Variants in EDDM13 observed in about 807,000 individuals in gnomAD.
EDDM13 encodes epididymal protein 13.
Under a neutral mutation model 17.8 loss-of-function variants are expected in EDDM13, and 24 were observed. The ratio of observed to expected loss-of-function variants is 1.35; its 90% CI spans 0.98 to 1.90. EDDM13 has a LOEUF of 1.90. Among genes scored for constraint, EDDM13 ranks in the 40% most tolerant of loss-of-function variants. The pLI is 0.00. For synonymous variants in EDDM13, 31 were observed against 37.5 expected, an observed-to-expected ratio of 0.83 and a Z score of 0.63; for missense variants, 97 against 100.8, an observed-to-expected ratio of 0.96 and a Z score of 0.16.
Position 56,303,208 on chromosome 19 carries a change from G to A in EDDM13, c.423+1113G>A, listed in dbSNP as rs143015444. On this transcript the variant is annotated intron_variant, in intron 13 of 14. Coordinates refer to ENST00000649256, the MANE Select transcript of EDDM13 (RefSeq NM_001354658.2). Reference sequence around the variant, plus strand: ...AGAAACTACAAGCCAGGCCGGGCACGGTGGCTCACGCTTGTCATCGCAGCA... The same window carrying A: ...AGAAACTACAAGCCAGGCCGGGCACAGTGGCTCACGCTTGTCATCGCAGCA... Among the ~76,000 whole-genome samples the A allele has an allele frequency of 5.7e-3, 865 of 152,294 alleles. 4 individuals carry two copies. Among genetic ancestry groups the A allele is most frequent in the African/African-American group, 0.014 (597 of 41,574 alleles).
chr19:56,278,640 T>G (rs2038445897), intron 2 of EDDM13, among the ~76,000 whole-genome samples: 1 of 152,206 alleles, frequency 6.6e-6, no homozygotes, highest in South Asian at 2.1e-4. Flanking sequence ...CTCACTCAGT[T>G]GTGGGGTCTG....
chr19:56,273,529 A>G (rs1444896534), intron 1 of EDDM13, among the ~76,000 whole-genome samples: 1 of 152,168 alleles, frequency 6.6e-6, no homozygotes, highest in Non-Finnish European at 1.5e-5. Flanking sequence ...GGGGATTCGG[A>G]GATGGCCTCT....
intron 1 of EDDM13, among the ~76,000 whole-genome samples, chr19:56,275,298 T>C (rs542019316): frequency 1.6e-4 from 25 of 152,238 alleles, no homozygotes; most frequent in Non-Finnish European, 2.8e-4. Flanking sequence ...GCTACAGTGC[T>C]TCTCCAATGG....
chr19:56,291,506 G>A (rs1413413170), intron 9 of EDDM13, among the ~76,000 whole-genome samples: 1 of 152,148 alleles, frequency 6.6e-6, no homozygotes, highest in Non-Finnish European at 1.5e-5. Flanking sequence ...AGGGTGGGAG[G>A]AGCTAGGAAG....
chr19:56,305,356 T>C (rs1421601394), intron 14 of EDDM13, among the ~76,000 whole-genome samples: 1 of 152,222 alleles, frequency 6.6e-6, no homozygotes, highest in African/African-American at 2.4e-5. Flanking sequence ...CCTTTGCATC[T>C]GGGTTTATTC....
chr19:56,273,578 C>G (rs929953921), intron 1 of EDDM13, among the ~76,000 whole-genome samples: 3 of 152,074 alleles, frequency 2.0e-5, no homozygotes, highest in Non-Finnish European at 4.4e-5. Context: ...TAGGAGCTGG[C>G]CAGCTGAAGA....
intron 13 of EDDM13, among the ~76,000 whole-genome samples, chr19:56,304,256 C>G (rs1301252825): frequency 3.9e-5 from 6 of 152,162 alleles, no homozygotes; most frequent in Non-Finnish European, 8.8e-5. Flanking sequence ...TGCTTATGCG[C>G]TGGGTGTGAG....
rs570207071 is a variant in EDDM13 at position 56,287,049 on chromosome 19, A to G, written c.155-1336A>G. Among the ~76,000 whole-genome samples the G allele has an allele frequency of 3.4e-3, 516 of 152,356 alleles. 7 individuals carry two copies. Among genetic ancestry groups the G allele is most frequent in the African/African-American group, 0.012 (490 of 41,584 alleles). ...GATATTAGGGAGCTGGTGAAAGTGG[A>G]TTTGACTCCTTCCCACCCCCACCAT... is the stretch of plus-strand genomic sequence containing the variant. On this transcript the variant is annotated intron_variant, in intron 6 of 14. Transcript: ENST00000649256.
intron 14 of EDDM13, among the ~76,000 whole-genome samples, chr19:56,309,635 C>G (rs2040905784): frequency 1.3e-5 from 2 of 152,200 alleles, no homozygotes; most frequent in Non-Finnish European, 2.9e-5. Context: ...CAGAAGCAAA[C>G]CTTAAGGTTC....
intron 12 of EDDM13, chr19:56,299,901 C>A (rs959239121): frequency 6.6e-6 from 1 of 152,186 alleles, no homozygotes; most frequent in Non-Finnish European, 1.5e-5. Flanking sequence ...ATGAGACGTT[C>A]TTGCTATCAC....
chr19:56,296,691 G>A (rs552700614), intron 11 of EDDM13, among the ~76,000 whole-genome samples: 11 of 152,256 alleles, frequency 7.2e-5, no homozygotes, highest in African/African-American at 2.4e-4. Context: ...AGGCTATTAT[G>A]TCCTATGGAG....
At chr19:56,281,091 T>C (rs1250045496) in intron 2 of EDDM13, among the ~76,000 whole-genome samples, 2 of 152,242 alleles carry the variant, frequency 1.3e-5, no homozygotes, top group Non-Finnish European at 2.9e-5. Flanking sequence ...ATATATTACA[T>C]GCTGATTCTT....
At chr19:56,293,366 A>T (rs2039645320) in intron 9 of EDDM13, among the ~76,000 whole-genome samples, 1 of 152,216 alleles carries the variant, frequency 6.6e-6, no homozygotes, top group Non-Finnish European at 1.5e-5. Context: ...CGGTGCTATT[A>T]AACAATGCAA....
In EDDM13 at chr19:56,309,782, G is replaced by A. The variant is rs372579196; in HGVS notation, c.462-342G>A. On this transcript the variant is annotated intron_variant, in intron 14 of 14. Coordinates refer to ENST00000649256, the MANE Select transcript of EDDM13 (RefSeq NM_001354658.2). ...GCAACACAAGCTCAGGCCCGGCGCC[G>A]GGACAGTGAGGAACTGGAGGGGGCG... is the stretch of plus-strand genomic sequence containing the variant. 1.3e-3 allele frequency among the ~76,000 whole-genome samples: 201 copies of A among 152,340 alleles called. 1 individual carries two copies. The highest frequency in any genetic ancestry group is 4.4e-3 in the African/African-American group (185 of 41,594).
intron 8 of EDDM13, among the ~76,000 whole-genome samples, chr19:56,290,396 A>C (rs2039432502): frequency 6.6e-6 from 1 of 152,218 alleles, no homozygotes; most frequent in South Asian, 2.1e-4. Flanking sequence ...TGCAAAGCCT[A>C]CACTATTTAC....
chr19:56,276,506 C>CTTCTT (rs1555802032), intron 2 of EDDM13, among the ~76,000 whole-genome samples: 1 of 139,736 alleles, frequency 7.2e-6, no homozygotes, highest in Non-Finnish European at 1.5e-5. Flanking sequence ...CTAAAGAGCT[C>CTTCTT]TTTTTTTTTT....
chr19:56,275,919 TGATA>T (rs891232780), intron 1 of EDDM13, among the ~76,000 whole-genome samples, 169 bp from the exon 2 acceptor site: 31 of 152,226 alleles, frequency 2.0e-4, no homozygotes, highest in African/African-American at 7.2e-4. Flanking sequence ...ATGGATGGGC[TGATA>T]GATGGGCCCG....
chr19:56,278,298 T>TA (rs1381313799), intron 2 of EDDM13, among the ~76,000 whole-genome samples: 4 of 152,212 alleles, frequency 2.6e-5, no homozygotes, highest in Admixed American at 1.3e-4. Flanking sequence ...CATGCCTGGC[T>TA]AATTTTTGTA....
chr19:56,286,893 T>C (rs1394758449), intron 6 of EDDM13, among the ~76,000 whole-genome samples: 1 of 152,234 alleles, frequency 6.6e-6, no homozygotes, highest in African/African-American at 2.4e-5. Flanking sequence ...ATCTGGAATT[T>C]CCACCTGGCT....
Sources: gnomAD v4.1 joint callset for allele counts (sites outside exome capture counted in the v4.1 genomes callset) on GRCh38, gnomAD v4.1.1 for gene constraint, MANE v1.5 for transcripts, NCBI Gene and HGNC (gene_info 2026-07-23, HGNC 2026-07-21) for gene names.